Variants in RNF152 observed in about 807,000 individuals in gnomAD.
RNF152 encodes E3 ubiquitin-protein ligase RNF152.
RNF152 carries 11 observed loss-of-function variants against 12.7 expected under a neutral mutation model. The observed-to-expected ratio is 0.86, with a 90% CI of 0.54 to 1.43. RNF152 has a LOEUF of 1.43. RNF152 is among the 40% of genes most tolerant of loss of function. The pLI, the probability that RNF152 is intolerant of heterozygous loss-of-function variation, is 0.00. For synonymous variants in RNF152, 113 were observed against 120.3 expected (o/e 0.94, Z 0.40); for missense variants, 255 against 274.8 (o/e 0.93, Z 0.51).
intron 1 of RNF152, among the ~76,000 whole-genome samples, chr18:61,844,106 G>GAAAGAAAGAAAGAAAAAGA (rs1555702345): frequency 7.2e-6 from 1 of 138,834 alleles, no homozygotes; most frequent in Non-Finnish European, 1.6e-5. Flanking sequence ...AAGAAAGAAA[G>GAAAGAAAGAAAGAAAAAGA]AAAGAAAGAA....
chr18:61,828,077 A>C (rs1249473934), intron 1 of RNF152, among the ~76,000 whole-genome samples: 1 of 152,224 alleles, frequency 6.6e-6, no homozygotes, highest in Non-Finnish European at 1.5e-5. Context: ...CAGTTCAACC[A>C]GTTTTGACAA....
intron 1 of RNF152, among the ~76,000 whole-genome samples, chr18:61,843,132 T>C (rs1910525933): frequency 2.6e-5 from 4 of 152,222 alleles, no homozygotes. Flanking sequence ...GTGGGAAGGA[T>C]TTTAGAATGC....
At chr18:61,842,175 C>A (rs1012124054) in intron 1 of RNF152, among the ~76,000 whole-genome samples, 4 of 152,214 alleles carry the variant, frequency 2.6e-5, no homozygotes, top group African/African-American at 9.6e-5. Flanking sequence ...ACCAGCAATT[C>A]TGCTTATGAC....
chr18:61,818,459 A>G (rs1909222873), intron 1 of RNF152, among the ~76,000 whole-genome samples: 2 of 152,124 alleles, frequency 1.3e-5, no homozygotes. Flanking sequence ...AAACAAGAAA[A>G]AGCAAACCAG....
At chr18:61,824,390 C>T (rs761451901) in intron 1 of RNF152, among the ~76,000 whole-genome samples, 11 of 152,208 alleles carry the variant, frequency 7.2e-5, no homozygotes, top group East Asian at 1.9e-4. Context: ...GGTTTCCAAC[C>T]GCATGGCAGT....
intron 1 of RNF152, among the ~76,000 whole-genome samples, chr18:61,886,801 G>A (rs867875848): frequency 1.4e-4 from 21 of 152,342 alleles, no homozygotes; most frequent in Middle Eastern, 3.4e-3. Context: ...CACTTCAATC[G>A]TAGGTGATAA....
chr18:61,844,026 AAG>A (rs543901994), intron 1 of RNF152, among the ~76,000 whole-genome samples: 1 of 150,368 alleles, frequency 6.7e-6, no homozygotes, highest in Non-Finnish European at 1.5e-5. Flanking sequence ...AGAGAAAAGA[AAG>A]AGAGAGAGAA....
chr18:61,869,426 A>G (rs557523690), intron 1 of RNF152, among the ~76,000 whole-genome samples: 102 of 152,312 alleles, frequency 6.7e-4, no homozygotes, highest in Non-Finnish European at 1.3e-3. Context: ...ACCTGACAAG[A>G]GATTCTGTTA....
At position 61,831,459 on chromosome 18, in the gene RNF152, G is replaced by T. The variant is rs865838496; in HGVS notation, c.-135-14861C>A. 2.6e-5 allele frequency among the ~76,000 whole-genome samples: 4 copies of T among 152,062 alleles called. No individual in the cohort carries two copies. In the South Asian group the frequency reaches 8.3e-4, roughly 32 times the overall value. ...ACTGGGCACTAATTTATTCAATAAC[G>T]CCAGGATGAAAATGCTTCCTGCTCT... On this transcript the variant is annotated intron_variant, in intron 1 of 1. Transcript: ENST00000312828.
intron 1 of RNF152, among the ~76,000 whole-genome samples, chr18:61,892,555 C>T (rs1177792660): frequency 6.6e-6 from 1 of 152,194 alleles, no homozygotes; most frequent in Admixed American, 6.5e-5. Context: ...TGAAAGGAAA[C>T]CAGGTGGGAT....
At chr18:61,821,267 G>C (rs1030892753) in intron 1 of RNF152, among the ~76,000 whole-genome samples, 4 of 152,180 alleles carry the variant, frequency 2.6e-5, no homozygotes, top group African/African-American at 7.2e-5. Context: ...CTTAAAATTA[G>C]ATTATCCTAT....
chr18:61,890,167 C>T (rs1912890654), intron 1 of RNF152, among the ~76,000 whole-genome samples: 1 of 152,192 alleles, frequency 6.6e-6, no homozygotes, highest in Non-Finnish European at 1.5e-5. Context: ...AATCAATACT[C>T]TTGTGACATC....
intron 1 of RNF152, among the ~76,000 whole-genome samples, chr18:61,843,825 T>C (rs1910561616): frequency 6.6e-6 from 1 of 152,096 alleles, no homozygotes; most frequent in Non-Finnish European, 1.5e-5. Context: ...TATTATTTAA[T>C]GGACATAGAG....
intron 1 of RNF152, among the ~76,000 whole-genome samples, chr18:61,880,418 C>T (rs1295225467): frequency 6.6e-6 from 1 of 152,132 alleles, no homozygotes; most frequent in Non-Finnish European, 1.5e-5. Context: ...GGACTCAAGC[C>T]AGACTGCCCA....
At chr18:61,841,110 C>T (rs1178568314) in intron 1 of RNF152, among the ~76,000 whole-genome samples, 2 of 152,196 alleles carry the variant, frequency 1.3e-5, no homozygotes, top group Non-Finnish European at 1.5e-5. Context: ...AAGTCAGGCT[C>T]GGTCCATTTC....
At chr18:61,876,571 C>T (rs972569199) in intron 1 of RNF152, among the ~76,000 whole-genome samples, 3 of 152,202 alleles carry the variant, frequency 2.0e-5, no homozygotes, top group Non-Finnish European at 2.9e-5. Context: ...AACAGAATGA[C>T]AAGGCTGTGG....
chr18:61,880,477 T>C (rs1013237892), intron 1 of RNF152, among the ~76,000 whole-genome samples: 4 of 152,166 alleles, frequency 2.6e-5, no homozygotes, highest in African/African-American at 9.7e-5. Context: ...CCACGTAACC[T>C]TGGACAAGTC....
chr18:61,812,010 CT>C lies in RNF152; in HGVS notation c.*3841del, dbSNP rs1203246095. 6.6e-6 allele frequency: 1 copy of C among 152,086 alleles called. No individual in the cohort carries two copies. Among genetic ancestry groups the C allele is most frequent in the Non-Finnish European group, 1.5e-5 (1 of 68,030 alleles). 9.4% of individuals were successfully genotyped at this position (152,086 alleles called of 1,614,324 possible). On this transcript the variant is annotated 3_prime_UTR_variant, in exon 2 of 2. Coordinates refer to ENST00000312828, the MANE Select transcript of RNF152 (RefSeq NM_173557.3). ...TTACTGTCATACTTGAGATCACATA[CT>C]TTTTAAGCCCAGAAAGGAATGTTTT...
chr18:61,883,112 C>T (rs1222101263), intron 1 of RNF152, among the ~76,000 whole-genome samples: 7 of 152,134 alleles, frequency 4.6e-5, no homozygotes, highest in Admixed American at 4.6e-4. Context: ...AAGAGTGAGG[C>T]GCAGACTGGT....
Sources: allele counts gnomAD v4.1 joint callset (sites outside exome capture counted in the v4.1 genomes callset), GRCh38; gene constraint gnomAD v4.1.1; transcripts MANE v1.5; gene names NCBI Gene and HGNC (gene_info 2026-07-23, HGNC 2026-07-21).